The following SPTY2D1 variants were observed in gnomAD, a reference collection of about 807,000 sequenced individuals.
SPTY2D1 encodes protein SPT2 homolog.
SPTY2D1 carries 21 observed loss-of-function variants against 64.0 expected under a neutral mutation model. That is an observed-to-expected ratio of 0.33 (90% CI 0.23 to 0.47). The LOEUF (loss-of-function observed/expected upper bound fraction) is 0.47. SPTY2D1 is among the 20% of genes least tolerant of loss of function. The probability of loss-of-function intolerance (pLI) is 1.00; values close to 1 mark genes in which losing one functional copy is unlikely to be tolerated. For synonymous variants in SPTY2D1, 287 were observed against 286.8 expected (o/e 1.00, Z -0.01); for missense variants, 724 against 837.2 (o/e 0.86, Z 1.67).
intron 5 of SPTY2D1, 84 bp from the exon 6 acceptor site, chr11:18,610,038 G>C: frequency 8.1e-7 from 1 of 1,233,356 alleles, no homozygotes; most frequent in South Asian, 1.3e-5. Context: ...CCAACTGGGA[G>C]CTCACATGGA....
At position 18,606,991 on chromosome 11, in the gene SPTY2D1, G is replaced by A. The variant is rs974792965; in HGVS notation, c.*2870C>T. 1.0e-5 allele frequency: 3 copies of A among 288,872 alleles called. No individual in the cohort carries two copies. Among genetic ancestry groups the A allele is most frequent in the African/African-American group, 4.7e-5 (2 of 42,378 alleles). 17.9% of individuals were successfully genotyped at this position (288,872 alleles called of 1,614,324 possible). A position where few individuals can be genotyped will look rare whatever the true frequency, so the allele number is the denominator to read the frequency against. The stretch of plus-strand genomic sequence containing the variant: ...TTCTCCTGCCTCAGCCTCCCCGGTA[G>A]CTGGGATTACAGGTGTGTGCCACCG... On this transcript the variant is annotated 3_prime_UTR_variant, in exon 6 of 6. Coordinates refer to ENST00000336349, the MANE Select transcript of SPTY2D1 (RefSeq NM_194285.3).
In SPTY2D1 at chr11:18,615,615, T is replaced by C. The variant is rs1048755535; in HGVS notation, c.659A>G (p.Asp220Gly). The change falls in exon 3 of 6, where the codon GAT (aspartate) becomes GGT (glycine). Residue 220 changes from aspartate to glycine, a missense_variant. This residue lies in a region of SPTY2D1 where 426 missense variants were observed against 431.8 expected (regional missense o/e 0.99). Coordinates refer to ENST00000336349, the MANE Select transcript of SPTY2D1 (RefSeq NM_194285.3). ...RKHRRKKLET[D>G]GKLPPTVSKK... ...GGACACAGTTGGAGGTAGTTTTCCA[T>C]CTGTCTCAAGTTTTTTTCTCCTATG... is the stretch of plus-strand genomic sequence containing the variant. 6.2e-7 allele frequency: 1 copy of C among 1,614,204 alleles called. No homozygotes were observed. Among genetic ancestry groups the C allele is most frequent in the Non-Finnish European group, 8.5e-7 (1 of 1,180,030 alleles).
Position 18,606,617 on chromosome 11 carries a change from C to T in SPTY2D1, c.*3244G>A, listed in dbSNP as rs1854111469. On this transcript the variant is annotated 3_prime_UTR_variant, in exon 6 of 6. Transcript: ENST00000336349. ...TCTCTATCTCACTCTTAATCATACA[C>T]TAAACGTCTGAATATTTAATCACAT... The T allele has an allele frequency of 2.8e-6, 1 of 359,944 alleles. No homozygotes were observed. The highest frequency in any genetic ancestry group is 4.9e-5 in the Admixed American group (1 of 20,218). 22.3% of individuals were successfully genotyped at this position (359,944 alleles called of 1,614,324 possible).
chr11:18,608,780 G>A lies in SPTY2D1; in HGVS notation c.*1081C>T, dbSNP rs1175058715. 6.6e-6 allele frequency: 1 copy of A among 152,440 alleles called. No individual in the cohort carries two copies. The highest frequency in any genetic ancestry group is 2.4e-5 in the African/African-American group (1 of 41,390). The allele number at this position is 152,440 out of a possible 1,614,324, so 9.4% of individuals were successfully genotyped here. On this transcript the variant is annotated 3_prime_UTR_variant, in exon 6 of 6. Coordinates refer to ENST00000336349, the MANE Select transcript of SPTY2D1 (RefSeq NM_194285.3). ...TAACAGGGAACATCCCTTCCTACCT[G>A]GGGAAAAAAATCTCTTCACAGTGCA...
At position 18,611,513 on chromosome 11, in the gene SPTY2D1, C is replaced by T. The variant is rs1470182505; in HGVS notation, c.1928G>A (p.Ser643Asn). ...ESDYALRYMESSWKEQQKEEA... is the reference protein window; with the variant it reads ...ESDYALRYMENSWKEQQKEEA... ...TTCCTTCTGCTGCTCTTTCCAACTA[C>T]TTTCCATGTAACGTAAGGCATAATC... The change falls in exon 5 of 6, where the codon AGT becomes AAT. Residue 643 changes from serine (S) to asparagine (N), a missense_variant. This residue lies in a region of SPTY2D1 where 119 missense variants were observed against 172.9 expected (regional missense o/e 0.69). Transcript: ENST00000336349. 1.2e-6 allele frequency: 2 copies of T among 1,614,084 alleles called. No individual in the cohort carries two copies. Among genetic ancestry groups the T allele is most frequent in the Non-Finnish European group, 1.7e-6 (2 of 1,180,016 alleles).
chr11:18,623,691 C>A (rs1265816798), intron 1 of SPTY2D1, among the ~76,000 whole-genome samples: 1 of 152,238 alleles, frequency 6.6e-6, no homozygotes, highest in African/African-American at 2.4e-5. Flanking sequence ...ACAGCATGAA[C>A]TCCTGCCTGA....
intron 1 of SPTY2D1, among the ~76,000 whole-genome samples, chr11:18,618,563 T>C (rs1854339632): frequency 1.3e-5 from 2 of 152,080 alleles, no homozygotes; most frequent in Non-Finnish European, 2.9e-5. Context: ...ATCCAGGAAA[T>C]AAGATTTTTA....
intron 5 of SPTY2D1, chr11:18,610,226 A>C (rs934302970): frequency 1.2e-4 from 39 of 325,616 alleles, no homozygotes; most frequent in Middle Eastern, 8.7e-4. Flanking sequence ...ATAGCTTTTA[A>C]AAATAAACAG....
At chr11:18,632,507 C>T (rs1854604920) in intron 1 of SPTY2D1, among the ~76,000 whole-genome samples, 1 of 152,118 alleles carries the variant, frequency 6.6e-6, no homozygotes, top group Non-Finnish European at 1.5e-5. Context: ...CACCACCATG[C>T]CCGGCTAATT....
chr11:18,622,930 C>A (rs1380764325), intron 1 of SPTY2D1, among the ~76,000 whole-genome samples: 1 of 150,972 alleles, frequency 6.6e-6, no homozygotes, highest in Non-Finnish European at 1.5e-5. Flanking sequence ...CCAGCCTGGG[C>A]AACAAGAGCA....
chr11:18,631,336 G>A (rs2134119574), intron 1 of SPTY2D1, among the ~76,000 whole-genome samples: 1 of 152,228 alleles, frequency 6.6e-6, no homozygotes, highest in Non-Finnish European at 1.5e-5. Flanking sequence ...CAGTCTGGGA[G>A]GCTGAGGTGG....
Position 18,615,620 on chromosome 11 carries a change from C to T in SPTY2D1, c.654G>A (p.Glu218=). The change falls in exon 3 of 6, where the codon GAG becomes GAA. Residue 218 remains glutamate (E), a synonymous_variant. Coordinates refer to ENST00000336349, the MANE Select transcript of SPTY2D1 (RefSeq NM_194285.3). ...CAGTTGGAGGTAGTTTTCCATCTGT[C>T]TCAAGTTTTTTTCTCCTATGCTTTC... ...LERKHRRKKL[E]TDGKLPPTVS... The T allele has an allele frequency of 6.2e-7, 1 of 1,614,218 alleles. No individual in the cohort carries two copies. The highest frequency in any genetic ancestry group is 8.5e-7 in the Non-Finnish European group (1 of 1,180,044).
At chr11:18,611,610 C>A in intron 4 of SPTY2D1, 56 bp from the exon 5 acceptor site, 1 of 1,364,764 alleles carries the variant, frequency 7.3e-7, no homozygotes, top group Non-Finnish European at 1.0e-6. Context: ...TCTAAAGGAA[C>A]TACGTCCTCT....
chr11:18,634,131 T>G lies in SPTY2D1; in HGVS notation c.60+67A>C, dbSNP rs553584010. On this transcript the variant is annotated intron_variant, in intron 1 of 5. Coordinates refer to ENST00000336349, the MANE Select transcript of SPTY2D1 (RefSeq NM_194285.3). ...GATAGGCGGCTGCCCAGAAGTTCCA[T>G]GGGCCACACACATTCCGAACTTGGA... 15 of 1,579,976 alleles carry G rather than the reference T, an allele frequency of 9.5e-6. No individual in the cohort carries two copies. In the African/African-American group the frequency reaches 1.5e-4, roughly 16 times the overall value.
At chr11:18,623,650 C>T (rs1439061290) in intron 1 of SPTY2D1, among the ~76,000 whole-genome samples, 1 of 152,188 alleles carries the variant, frequency 6.6e-6, no homozygotes, top group African/African-American at 2.4e-5. Context: ...AAACCCGAGG[C>T]TTCTAAGAAA....
chr11:18,616,706 A>C (rs1357036520), intron 2 of SPTY2D1, among the ~76,000 whole-genome samples, 169 bp downstream of exon 2: 1 of 150,164 alleles, frequency 6.7e-6, no homozygotes, highest in African/African-American at 2.5e-5. Context: ...ACATATGTAA[A>C]GCCATGAATA....
rs1377858187 is a variant in SPTY2D1 at position 18,613,000 on chromosome 11, G to A, written c.1712-512C>T. ...GCTGGTCTCGAACTCCCGACCTCAG[G>A]TGATCTGTCTGCCTTGGCCTCCCAA... is the stretch of plus-strand genomic sequence containing the variant. On this transcript the variant is annotated intron_variant, in intron 3 of 5. Coordinates refer to ENST00000336349, the MANE Select transcript of SPTY2D1 (RefSeq NM_194285.3). The surrounding 1 kb of genome is among the most constrained non-coding windows in gnomAD (Gnocchi z 4.6). 6.6e-6 allele frequency among the ~76,000 whole-genome samples: 1 copy of A among 152,136 alleles called. No individual in the cohort carries two copies. Among genetic ancestry groups the A allele is most frequent in the Non-Finnish European group, 1.5e-5 (1 of 68,018 alleles).
intron 1 of SPTY2D1, among the ~76,000 whole-genome samples, chr11:18,626,239 C>T (rs1305142635): frequency 2.0e-5 from 3 of 152,158 alleles, no homozygotes; most frequent in Admixed American, 6.6e-5. Flanking sequence ...GGTCTACAAC[C>T]AAACTTCTAT....
At chr11:18,631,221 C>T (rs1024778934) in intron 1 of SPTY2D1, among the ~76,000 whole-genome samples, 1 of 152,180 alleles carries the variant, frequency 6.6e-6, no homozygotes, top group African/African-American at 2.4e-5. Flanking sequence ...ACATAGTGTA[C>T]AGGGTAACAG....
Sources: gnomAD v4.1 joint callset for allele counts (sites outside exome capture counted in the v4.1 genomes callset) on GRCh38, gnomAD v4.1.1 for gene constraint, gnomAD v4.1.1 regional missense constraint, Gnocchi (gnomAD v3.1) non-coding constraint, MANE v1.5 for transcripts, NCBI Gene and HGNC (gene_info 2026-07-23, HGNC 2026-07-21) for gene names.